GMDS: variants seen among roughly 807,000 people sequenced by gnomAD.
The protein encoded by GMDS is GDP-mannose 4,6 dehydratase.
Under a neutral mutation model 49.9 loss-of-function variants are expected in GMDS, and 20 were observed. That is an observed-to-expected ratio of 0.40 (90% CI 0.28 to 0.58). GMDS has a LOEUF of 0.58. Among genes scored for constraint, GMDS ranks in the 20% least tolerant of loss-of-function variants. GMDS has a pLI of 0.42. For missense variants in GMDS, 362 were observed against 481.4 expected (o/e 0.75, Z 2.32); for synonymous variants, 177 against 178.6 (o/e 0.99, Z 0.07).
intron 7 of GMDS, among the ~76,000 whole-genome samples, chr6:1,875,405 A>T (rs1758989678): frequency 6.6e-6 from 1 of 152,096 alleles, no homozygotes; most frequent in Non-Finnish European, 1.5e-5. Context: ...TTTAAAAAAA[A>T]TTTCAAACAT....
At chr6:1,656,622 G>T (rs1271818975) in intron 9 of GMDS, among the ~76,000 whole-genome samples, 1 of 152,030 alleles carries the variant, frequency 6.6e-6, no homozygotes, top group Non-Finnish European at 1.5e-5. Flanking sequence ...AAATTAGCTG[G>T]GTGTGGTGGT....
At chr6:1,891,094 A>G (rs1309118849) in intron 7 of GMDS, among the ~76,000 whole-genome samples, 1 of 152,126 alleles carries the variant, frequency 6.6e-6, no homozygotes, top group African/African-American at 2.4e-5. Flanking sequence ...ATTGCCATCT[A>G]TTCTCCTGGT....
At chr6:2,096,932 T>C (rs1017688864) in intron 4 of GMDS, among the ~76,000 whole-genome samples, 1 of 152,138 alleles carries the variant, frequency 6.6e-6, no homozygotes, top group African/African-American at 2.4e-5. Context: ...ATTTTATATA[T>C]AAAAATGCCC....
At chr6:2,031,468 T>C (rs1375115307) in intron 4 of GMDS, among the ~76,000 whole-genome samples, 1 of 151,286 alleles carries the variant, frequency 6.6e-6, no homozygotes, top group African/African-American at 2.4e-5. Flanking sequence ...GTAAAATGTA[T>C]AGACCAGTGT....
intron 4 of GMDS, among the ~76,000 whole-genome samples, chr6:2,048,184 A>G (rs1210334950): frequency 6.6e-6 from 1 of 152,130 alleles, no homozygotes; most frequent in Non-Finnish European, 1.5e-5. Flanking sequence ...GTCCTGTATG[A>G]GAGATCTTTC....
intron 4 of GMDS, among the ~76,000 whole-genome samples, chr6:2,008,661 C>A (rs867146406): frequency 2.6e-5 from 4 of 152,142 alleles, no homozygotes; most frequent in Non-Finnish European, 4.4e-5. Flanking sequence ...TGTACCTAAA[C>A]CATATCAATA....
At chr6:1,641,574 C>T (rs1348919027) in intron 9 of GMDS, among the ~76,000 whole-genome samples, 1 of 152,166 alleles carries the variant, frequency 6.6e-6, no homozygotes, top group African/African-American at 2.4e-5. Flanking sequence ...TGGGGAAGGG[C>T]GGAGCATGGA....
intron 1 of GMDS, among the ~76,000 whole-genome samples, chr6:2,200,823 G>A (rs1581787377): frequency 1.4e-5 from 2 of 139,090 alleles, no homozygotes. Flanking sequence ...GGGCATCCGA[G>A]ATGTAACCAT....
At chr6:2,242,030 A>C (rs1781638092) in intron 1 of GMDS, among the ~76,000 whole-genome samples, 1 of 152,188 alleles carries the variant, frequency 6.6e-6, no homozygotes, top group Non-Finnish European at 1.5e-5. Flanking sequence ...TTTCTATCTT[A>C]AAGTAGTTCA....
intron 1 of GMDS, among the ~76,000 whole-genome samples, chr6:2,193,624 T>A (rs1779149014): frequency 6.6e-6 from 1 of 152,178 alleles, no homozygotes; most frequent in Non-Finnish European, 1.5e-5. Flanking sequence ...TTAGGATATG[T>A]TATTCACAAA....
chr6:1,851,381 A>G (rs1757661389), intron 7 of GMDS, among the ~76,000 whole-genome samples: 1 of 152,212 alleles, frequency 6.6e-6, no homozygotes, highest in Non-Finnish European at 1.5e-5. Flanking sequence ...GTATTTGCTG[A>G]TATCATTTCA....
At chr6:1,925,531 G>A (rs1339021739) in intron 7 of GMDS, among the ~76,000 whole-genome samples, 2 of 152,152 alleles carry the variant, frequency 1.3e-5, no homozygotes, top group Admixed American at 6.5e-5. Flanking sequence ...AAAACAGCTT[G>A]TCTAAGCTGA....
At chr6:2,194,307 G>T (rs966280056) in intron 1 of GMDS, among the ~76,000 whole-genome samples, 4 of 152,184 alleles carry the variant, frequency 2.6e-5, no homozygotes, top group Non-Finnish European at 4.4e-5. Flanking sequence ...AAAGCAGAGA[G>T]AAATGGCATT....
intron 4 of GMDS, among the ~76,000 whole-genome samples, chr6:2,030,972 T>C (rs542463752): frequency 6.6e-6 from 1 of 152,312 alleles, no homozygotes; most frequent in African/African-American, 2.4e-5. Context: ...ATCAACTCTC[T>C]CACACGTAAA....
chr6:2,186,224 C>A (rs234918), intron 1 of GMDS, among the ~76,000 whole-genome samples: 1 of 152,004 alleles, frequency 6.6e-6, no homozygotes, highest in Non-Finnish European at 1.5e-5. Flanking sequence ...ACAGCCTATG[C>A]GGACCGCTGC....
At chr6:2,126,669 C>G (rs1156569084) in intron 1 of GMDS, among the ~76,000 whole-genome samples, 1 of 152,186 alleles carries the variant, frequency 6.6e-6, no homozygotes, top group Admixed American at 6.5e-5. Context: ...GAGTCTCGCT[C>G]TTTCACCCAG....
intron 7 of GMDS, among the ~76,000 whole-genome samples, chr6:1,851,119 T>A (rs778652139): frequency 7.2e-5 from 11 of 152,218 alleles, no homozygotes; most frequent in Non-Finnish European, 1.2e-4. Flanking sequence ...CTGGAGAGGT[T>A]GTGGACGGGA....
chr6:1,829,118 T>C (rs994496364), intron 7 of GMDS, among the ~76,000 whole-genome samples: 1 of 152,178 alleles, frequency 6.6e-6, no homozygotes, highest in East Asian at 1.9e-4. Context: ...TGTCTTCACA[T>C]TGACTAGGCT....
chr6:2,010,252 G>T (rs766620111), intron 4 of GMDS, among the ~76,000 whole-genome samples: 3 of 150,656 alleles, frequency 2.0e-5, no homozygotes, highest in Non-Finnish European at 2.9e-5. Flanking sequence ...GCTTGAACCC[G>T]AGAGGCAGAG....
Sources: gnomAD v4.1 joint callset for allele counts (sites outside exome capture counted in the v4.1 genomes callset) on GRCh38, gnomAD v4.1.1 for gene constraint, MANE v1.5 for transcripts, NCBI Gene and HGNC (gene_info 2026-07-23, HGNC 2026-07-21) for gene names.